PIGL: variants seen among roughly 807,000 people sequenced by gnomAD.
The protein encoded by PIGL is N-acetylglucosaminyl-phosphatidylinositol de-N-acetylase.
A neutral mutation model predicts 31.1 loss-of-function variants in PIGL; 22 were observed. The ratio of observed to expected loss-of-function variants is 0.71; its 90% confidence interval spans 0.51 to 1.01. The LOEUF (loss-of-function observed/expected upper bound fraction) is 1.01. Ranked by LOEUF, PIGL falls within the 50% of genes least tolerant of loss-of-function variation. The pLI, the probability that PIGL is intolerant of heterozygous loss-of-function variation, is 0.00. For missense variants in PIGL, 302 were observed against 315.9 expected (o/e 0.96, Z 0.33); for synonymous variants, 131 against 117.4 (o/e 1.12, Z -0.75).
chr17:16,318,022 G>T (rs1035063779), intron 6 of PIGL, 114 bp downstream of exon 6: 17 of 840,548 alleles, frequency 2.0e-5, no homozygotes, highest in Non-Finnish European at 2.9e-5. Flanking sequence ...CAGTGGTTCA[G>T]CACCTGTCCC....
At chr17:16,225,047 A>C (rs1020359242) in intron 1 of PIGL, among the ~76,000 whole-genome samples, 1 of 152,218 alleles carries the variant, frequency 6.6e-6, no homozygotes. Context: ...TGTCTCTGAT[A>C]CTATGGTATG....
At chr17:16,287,906 G>A (rs188574745) in intron 2 of PIGL, among the ~76,000 whole-genome samples, 3 of 152,326 alleles carry the variant, frequency 2.0e-5, no homozygotes, top group East Asian at 1.9e-4. Context: ...CTGAGCTGAC[G>A]TTGGCCTTTA....
chr17:16,321,640 T>C (rs1018611086), intron 6 of PIGL, among the ~76,000 whole-genome samples: 2 of 152,208 alleles, frequency 1.3e-5, no homozygotes, highest in African/African-American at 4.8e-5. Context: ...TTATCTTGTT[T>C]CTTCAATAGT....
intron 1 of PIGL, among the ~76,000 whole-genome samples, chr17:16,221,908 C>T (rs1179003940): frequency 1.3e-5 from 2 of 152,062 alleles, no homozygotes; most frequent in Non-Finnish European, 2.9e-5. Context: ...CGTGAGCCAC[C>T]ACGCCTGGCC....
chr17:16,220,979 T>C (rs947653424), intron 1 of PIGL, among the ~76,000 whole-genome samples: 1 of 152,148 alleles, frequency 6.6e-6, no homozygotes, highest in Non-Finnish European at 1.5e-5. Flanking sequence ...TCTAGAGCCT[T>C]TCCCCTCTAG....
chr17:16,263,902 C>T (rs1156609669), intron 2 of PIGL, among the ~76,000 whole-genome samples: 3 of 139,674 alleles, frequency 2.1e-5, no homozygotes, highest in Non-Finnish European at 4.5e-5. Flanking sequence ...AGTGCAATGG[C>T]AAGGTATCAG....
At chr17:16,217,630 C>CACGCTCT in intron 1 of PIGL, 169 bp downstream of exon 1, 2 of 540,664 alleles carry the variant, frequency 3.7e-6, no homozygotes, top group Admixed American at 3.5e-5. Flanking sequence ...GGCCGGCTTA[C>CACGCTCT]CTGGTGGGTT....
chr17:16,248,169 A>C (rs1315478879), intron 2 of PIGL, among the ~76,000 whole-genome samples: 1 of 152,204 alleles, frequency 6.6e-6, no homozygotes, highest in Non-Finnish European at 1.5e-5. Context: ...TACAGGCTTG[A>C]GCCACTGCGC....
chr17:16,313,544 C>G lies in PIGL; in HGVS notation c.427-3C>G. 1.2e-6 allele frequency: 2 copies of G among 1,611,500 alleles called. No homozygotes were observed. Among genetic ancestry groups the G allele is most frequent in the Non-Finnish European group, 1.7e-6 (2 of 1,177,592 alleles). On this transcript the variant is annotated splice_region_variant and splice_polypyrimidine_tract_variant and intron_variant, in intron 3 of 6. Coordinates refer to ENST00000225609, the MANE Select transcript of PIGL (RefSeq NM_004278.4). ...TCAGTGAAAACCCTGTGTTTCTCTA[C>G]AGGTGGTGACTTTCGATGCAGGGGG...
intron 2 of PIGL, among the ~76,000 whole-genome samples, chr17:16,265,836 T>TC (rs1274597081): frequency 6.6e-6 from 1 of 151,482 alleles, no homozygotes; most frequent in African/African-American, 2.4e-5. Context: ...ACCCCGCATT[T>TC]CCCCCCATGC....
chr17:16,298,577 A>T (rs2092991994), intron 2 of PIGL, among the ~76,000 whole-genome samples: 1 of 152,154 alleles, frequency 6.6e-6, no homozygotes, highest in Non-Finnish European at 1.5e-5. Context: ...TCTGGTAAAG[A>T]CCTTTGTACC....
chr17:16,287,273 T>A (rs1271937386), intron 2 of PIGL, among the ~76,000 whole-genome samples: 1 of 152,226 alleles, frequency 6.6e-6, no homozygotes, highest in Non-Finnish European at 1.5e-5. Flanking sequence ...TCTGAAAGAT[T>A]AGAGAGCTAA....
intron 2 of PIGL, among the ~76,000 whole-genome samples, chr17:16,292,397 A>T (rs1393966379): frequency 1.9e-5 from 1 of 51,372 alleles, no homozygotes; most frequent in Non-Finnish European, 5.4e-5. Flanking sequence ...CTTTCTCTTT[A>T]AAAAAAAAAA....
chr17:16,232,956 A>AC lies in PIGL; in HGVS notation c.236-1015_236-1014insC, dbSNP rs1259361795. On this transcript the variant is annotated intron_variant, in intron 1 of 6. Coordinates refer to ENST00000225609, the MANE Select transcript of PIGL (RefSeq NM_004278.4). ...AACATGGTGAAACCCCATCTCAAAT[A>AC]AAAATACAAAAATTAGCCCGGTGTG... Among the ~76,000 whole-genome samples the AC allele has an allele frequency of 1.1e-3, 161 of 152,178 alleles. 1 individual carries two copies. Among genetic ancestry groups the AC allele is most frequent in the Non-Finnish European group, 1.8e-3 (125 of 67,996 alleles).
At chr17:16,250,526 C>T (rs1242300168) in intron 2 of PIGL, among the ~76,000 whole-genome samples, 1 of 152,114 alleles carries the variant, frequency 6.6e-6, no homozygotes, top group African/African-American at 2.4e-5. Context: ...TAGCAACACG[C>T]AACAGTCAGT....
intron 3 of PIGL, among the ~76,000 whole-genome samples, chr17:16,312,212 TGCCGG>T (rs1349274933): frequency 7.4e-6 from 1 of 134,496 alleles, no homozygotes; most frequent in Non-Finnish European, 1.6e-5. Flanking sequence ...ATGGGGCGGC[TGCCGG>T]GCGGAGGGGC....
At chr17:16,224,857 CGT>C (rs1466633134) in intron 1 of PIGL, among the ~76,000 whole-genome samples, 1 of 151,622 alleles carries the variant, frequency 6.6e-6, no homozygotes, top group Non-Finnish European at 1.5e-5. Context: ...AGGGTTTCAC[CGT>C]GTTAGCCAGG....
chr17:16,232,849 G>T (rs1164140995), intron 1 of PIGL, among the ~76,000 whole-genome samples: 1 of 152,094 alleles, frequency 6.6e-6, no homozygotes, highest in Non-Finnish European at 1.5e-5. Flanking sequence ...GCTGGGCGCA[G>T]TGGCTCACAC....
chr17:16,299,811 G>T (rs1056490833), intron 2 of PIGL, 77 bp from the exon 3 acceptor site: 3 of 986,648 alleles, frequency 3.0e-6, no homozygotes, highest in East Asian at 4.7e-5. Flanking sequence ...ATAAAACTGG[G>T]CATGCACCTA....
Sources: gnomAD v4.1 joint callset for allele counts (sites outside exome capture counted in the v4.1 genomes callset) on GRCh38, gnomAD v4.1.1 for gene constraint, MANE v1.5 for transcripts, NCBI Gene and HGNC (gene_info 2026-07-23, HGNC 2026-07-21) for gene names.